ADARB2: variants seen among roughly 807,000 people sequenced by gnomAD.
ADARB2 encodes adenosine deaminase RNA specific B2 (inactive), also known as inactive double-stranded RNA-specific editase B2.
ADARB2 carries 25 observed loss-of-function variants against 62.2 expected under a neutral mutation model. The ratio of observed to expected loss-of-function variants is 0.40; its 90% CI spans 0.29 to 0.56. The LOEUF is 0.56. ADARB2 is among the 20% of genes least tolerant of loss of function. The pLI is 0.43. For missense variants in ADARB2, 1,071 were observed against 1,077.4 expected (o/e 0.99, Z 0.08); for synonymous variants, 572 against 500.8 (o/e 1.14, Z -1.90).
chr10:1,537,985 AAG>A (rs1234219520), intron 1 of ADARB2, among the ~76,000 whole-genome samples: 23 of 152,204 alleles, frequency 1.5e-4, no homozygotes, highest in African/African-American at 5.5e-4. Flanking sequence ...AAAAAAGAAA[AAG>A]AATTGCTTTT....
At chr10:1,524,153 T>C (rs1325195100) in intron 1 of ADARB2, among the ~76,000 whole-genome samples, 5 of 152,142 alleles carry the variant, frequency 3.3e-5, no homozygotes, top group African/African-American at 1.2e-4. Flanking sequence ...GTCACTATCT[T>C]TAAGGTACAC....
At chr10:1,691,898 A>AT (rs1431920519) in intron 1 of ADARB2, among the ~76,000 whole-genome samples, 53 of 134,034 alleles carry the variant, frequency 4.0e-4, no homozygotes, top group African/African-American at 1.7e-3. Flanking sequence ...GTCATTACTA[A>AT]ATGTGTGTGT....
At chr10:1,586,181 C>T (rs1198133580) in intron 1 of ADARB2, among the ~76,000 whole-genome samples, 1 of 152,164 alleles carries the variant, frequency 6.6e-6, no homozygotes, top group African/African-American at 2.4e-5. Context: ...TTGATTGAGA[C>T]CTGTCTCAGG....
chr10:1,226,818 C>T (rs969431833), intron 6 of ADARB2, among the ~76,000 whole-genome samples: 2 of 151,388 alleles, frequency 1.3e-5, no homozygotes, highest in African/African-American at 2.4e-5. Flanking sequence ...CAGTCTGCCT[C>T]TATTGGGGGG....
intron 1 of ADARB2, among the ~76,000 whole-genome samples, chr10:1,448,890 A>T (rs1831002679): frequency 6.6e-6 from 1 of 151,430 alleles, no homozygotes. Flanking sequence ...CAGCCTGCCG[A>T]CCCCATGACT....
chr10:1,477,922 C>A lies in ADARB2; in HGVS notation c.101-98762G>T, dbSNP rs1333484997. The stretch of plus-strand genomic sequence containing the variant: ...CCCTGACATGCATCCCAGGGAAGAG[C>A]CCCTCTGCTGGAGGACTAAGAGGGT... On this transcript the variant is annotated intron_variant, in intron 1 of 9. Transcript: ENST00000381312. The surrounding 1 kb of genome is among the most constrained non-coding windows in gnomAD (Gnocchi z 4.5). 6.6e-6 allele frequency among the ~76,000 whole-genome samples: 1 copy of A among 152,216 alleles called. No individual in the cohort carries two copies. Among genetic ancestry groups the A allele is most frequent in the Non-Finnish European group, 1.5e-5 (1 of 68,024 alleles).
At chr10:1,679,408 C>T (rs1194520862) in intron 1 of ADARB2, among the ~76,000 whole-genome samples, 1 of 152,122 alleles carries the variant, frequency 6.6e-6, no homozygotes, top group Non-Finnish European at 1.5e-5. Context: ...CATATCTTTC[C>T]AAGCAGAGCT....
intron 3 of ADARB2, among the ~76,000 whole-genome samples, chr10:1,279,442 A>G (rs553498342): frequency 2.8e-4 from 43 of 152,284 alleles, no homozygotes; most frequent in African/African-American, 1.0e-3. Context: ...CAGCCTGCCA[A>G]GTAGTTGGGA....
Position 1,230,332 on chromosome 10 carries a change from C to T in ADARB2, c.1513+3362G>A, listed in dbSNP as rs537885907. On this transcript the variant is annotated intron_variant, in intron 6 of 9. Coordinates refer to ENST00000381312, the MANE Select transcript of ADARB2 (RefSeq NM_018702.4). ...GGGAGGCAGTGCCAGCTGCAGACCT[C>T]TGGGAACAGTGCAAACTGGATGTGT... Among the ~76,000 whole-genome samples the T allele has an allele frequency of 5.3e-5, 8 of 152,280 alleles. No individual in the cohort carries two copies. The South Asian group carries it at 1.7e-3, about 32-fold the overall frequency.
intron 1 of ADARB2, among the ~76,000 whole-genome samples, chr10:1,611,144 C>A (rs866018312): frequency 7.2e-5 from 11 of 152,180 alleles, no homozygotes; most frequent in Non-Finnish European, 1.5e-4. Context: ...CCCCGTGGAC[C>A]CGGCTTTCCC....
intron 1 of ADARB2, among the ~76,000 whole-genome samples, chr10:1,624,161 G>T (rs4880889): frequency 6.6e-6 from 1 of 151,992 alleles, no homozygotes. Flanking sequence ...CTGAGCCCAG[G>T]AGGCTGAGAC....
chr10:1,414,504 A>G (rs1375531373), intron 1 of ADARB2, among the ~76,000 whole-genome samples: 1 of 152,198 alleles, frequency 6.6e-6, no homozygotes, highest in African/African-American at 2.4e-5. Flanking sequence ...AGGATCGATT[A>G]TATCTTGAGT....
chr10:1,577,894 G>A (rs1833041650), intron 1 of ADARB2, among the ~76,000 whole-genome samples: 1 of 152,210 alleles, frequency 6.6e-6, no homozygotes, highest in Non-Finnish European at 1.5e-5. Flanking sequence ...ATAAAAAGAG[G>A]AGATGAGGAC....
At chr10:1,281,882 C>T (rs910889435) in intron 3 of ADARB2, among the ~76,000 whole-genome samples, 1 of 152,172 alleles carries the variant, frequency 6.6e-6, no homozygotes, top group Non-Finnish European at 1.5e-5. Context: ...TTTCAACTAA[C>T]ATTTTATAAA....
At chr10:1,310,624 G>A (rs1831680752) in intron 3 of ADARB2, among the ~76,000 whole-genome samples, 2 of 152,184 alleles carry the variant, frequency 1.3e-5, no homozygotes, top group Non-Finnish European at 2.9e-5. Context: ...GGTAGTGATG[G>A]GGTGACAGTG....
At chr10:1,325,708 C>T (rs1167461152) in intron 3 of ADARB2, among the ~76,000 whole-genome samples, 1 of 152,200 alleles carries the variant, frequency 6.6e-6, no homozygotes, top group Admixed American at 6.5e-5. Flanking sequence ...AGTCCTCCCA[C>T]ATCTTTCTTG....
At position 1,233,629 on chromosome 10, in the gene ADARB2, C is replaced by T. The variant is rs911806693; in HGVS notation, c.1513+65G>A. On this transcript the variant is annotated intron_variant, in intron 6 of 9. Coordinates refer to ENST00000381312, the MANE Select transcript of ADARB2 (RefSeq NM_018702.4). Reference sequence around the variant, plus strand: ...TGCCCTGGGCTGTGAAAGCCCAGGACAGAGTCCCAGATAGAGGGAGCTGGG... The same window carrying T: ...TGCCCTGGGCTGTGAAAGCCCAGGATAGAGTCCCAGATAGAGGGAGCTGGG... The T allele has an allele frequency of 1.1e-5, 16 of 1,515,040 alleles. No individual in the cohort carries two copies. In the African/African-American group the frequency reaches 2.1e-4, roughly 20 times the overall value. 93.8% of individuals were successfully genotyped at this position (1,515,040 alleles called of 1,614,324 possible).
chr10:1,662,654 C>T (rs1834265100), intron 1 of ADARB2, among the ~76,000 whole-genome samples: 1 of 152,202 alleles, frequency 6.6e-6, no homozygotes, highest in Admixed American at 6.5e-5. Flanking sequence ...CTAGGGTCTG[C>T]AGTGAACTAC....
chr10:1,607,023 A>G (rs1195991738), intron 1 of ADARB2, among the ~76,000 whole-genome samples: 1 of 152,256 alleles, frequency 6.6e-6, no homozygotes, highest in African/African-American at 2.4e-5. Context: ...TAACAACAAC[A>G]AAAACAAAGC....
Sources: allele counts gnomAD v4.1 joint callset (sites outside exome capture counted in the v4.1 genomes callset), GRCh38; gene constraint gnomAD v4.1.1; non-coding constraint Gnocchi (gnomAD v3.1); transcripts MANE v1.5; gene names NCBI Gene and HGNC (gene_info 2026-07-23, HGNC 2026-07-21).